Variants in ANKH observed in about 807,000 individuals in gnomAD.
ANKH encodes the protein ANKH inorganic pyrophosphate transport regulator.
ANKH carries 15 observed loss-of-function variants against 49.0 expected under a neutral mutation model. That is an observed-to-expected ratio of 0.31 (90% confidence interval 0.20 to 0.47). ANKH has a LOEUF of 0.47. ANKH is among the 20% of genes least tolerant of loss of function. ANKH has a pLI of 1.00. For synonymous variants in ANKH, 273 were observed against 260.0 expected, an observed-to-expected ratio of 1.05 and a Z score of -0.48; for missense variants, 429 against 652.0, an observed-to-expected ratio of 0.66 and a Z score of 3.72.
At position 14,725,658 on chromosome 5, in the gene ANKH, T is replaced by C. The variant is rs1380226073; in HGVS notation, c.1012-8823A>G. ...ACAAAACGCTAGCAGGGGAGTCCTC[T>C]GGAGGTGGTGAGATTAGGACTGATT... On this transcript the variant is annotated intron_variant, in intron 8 of 11. Coordinates refer to ENST00000284268, the MANE Select transcript of ANKH (RefSeq NM_054027.6). The surrounding 1 kb of genome is among the most constrained non-coding windows in gnomAD (Gnocchi z 4.0). Among the ~76,000 whole-genome samples, 1 of 152,254 alleles carries C rather than the reference T, an allele frequency of 6.6e-6. No homozygotes were observed. Among genetic ancestry groups the C allele is most frequent in the Non-Finnish European group, 1.5e-5 (1 of 68,044 alleles).
At chr5:14,869,795 A>G (rs1356268291) in intron 1 of ANKH, 2 of 152,230 alleles carry the variant, frequency 1.3e-5, no homozygotes, top group Non-Finnish European at 2.9e-5. Flanking sequence ...TTATCTCGAT[A>G]TGATTCTTAC....
intron 1 of ANKH, among the ~76,000 whole-genome samples, chr5:14,783,289 T>TACACAC (rs57904537): frequency 0.14 from 20,015 of 144,354 alleles, 1,590 homozygotes; most frequent in Non-Finnish European, 0.17. Context: ...GCCACCATTC[T>TACACAC]ACACACACAC....
chr5:14,871,243 T>C, intron 1 of ANKH, 109 bp downstream of exon 1: 1 of 960,674 alleles, frequency 1.0e-6, no homozygotes, highest in Non-Finnish European at 1.6e-6. Context: ...CGACCAAATG[T>C]TTCAGGATAA....
chr5:14,800,391 G>A (rs1740533106), intron 1 of ANKH, among the ~76,000 whole-genome samples: 1 of 152,250 alleles, frequency 6.6e-6, no homozygotes, highest in South Asian at 2.1e-4. Flanking sequence ...TCTACTGTGA[G>A]TAAAATGCTA....
At chr5:14,731,767 G>A (rs975326050) in intron 8 of ANKH, among the ~76,000 whole-genome samples, 1 of 152,198 alleles carries the variant, frequency 6.6e-6, no homozygotes, top group African/African-American at 2.4e-5. Context: ...AGTGCCAAGC[G>A]GCTAATTTAA....
intron 1 of ANKH, among the ~76,000 whole-genome samples, chr5:14,854,670 G>C (rs1330446975): frequency 1.3e-5 from 2 of 152,180 alleles, no homozygotes; most frequent in African/African-American, 4.8e-5. Flanking sequence ...GAGTGACACA[G>C]TAAGACCCTG....
intron 2 of ANKH, 170 bp downstream of exon 2, chr5:14,768,805 T>G (rs1411801569): frequency 1.4e-6 from 1 of 714,914 alleles, no homozygotes; most frequent in East Asian, 2.7e-5. Flanking sequence ...AAACACATTA[T>G]TGTCTTAAGC....
chr5:14,740,879 T>G (rs1738331373), intron 8 of ANKH, among the ~76,000 whole-genome samples: 1 of 152,220 alleles, frequency 6.6e-6, no homozygotes, highest in Non-Finnish European at 1.5e-5. Flanking sequence ...CAATGACAAC[T>G]GCACACATCT....
Position 14,710,253 on chromosome 5 carries a change from A to G in ANKH, c.*944T>C, listed in dbSNP as rs1737114592. On this transcript the variant is annotated 3_prime_UTR_variant, in exon 12 of 12. Coordinates refer to ENST00000284268, the MANE Select transcript of ANKH (RefSeq NM_054027.6). ...CAACCTGGCATTAGAATGCTGGATGAGACTTAAAGCTTCAGTTCACTGTAA... is the reference window on the plus strand; with the variant it reads ...CAACCTGGCATTAGAATGCTGGATGGGACTTAAAGCTTCAGTTCACTGTAA... 1 of 150,522 alleles carries G rather than the reference A, an allele frequency of 6.6e-6. No homozygotes were observed. Among genetic ancestry groups the G allele is most frequent in the South Asian group, 2.1e-4 (1 of 4,700 alleles). The allele number at this position is 150,522 out of a possible 1,614,324, so 9.3% of individuals were successfully genotyped here.
chr5:14,809,415 T>G (rs1304731034), intron 1 of ANKH, among the ~76,000 whole-genome samples: 1 of 149,624 alleles, frequency 6.7e-6, no homozygotes, highest in Non-Finnish European at 1.5e-5. Context: ...AAAAATTAGC[T>G]GGGTGTGCTC....
intron 2 of ANKH, among the ~76,000 whole-genome samples, chr5:14,765,078 G>A (rs2454873): frequency 0.28 from 43,162 of 152,166 alleles, 6,224 homozygotes; most frequent in Admixed American, 0.36. Context: ...ACAACCACTG[G>A]CCTAAATGAA....
intron 1 of ANKH, among the ~76,000 whole-genome samples, chr5:14,859,470 A>G (rs1408079472): frequency 6.6e-6 from 1 of 152,240 alleles, no homozygotes; most frequent in African/African-American, 2.4e-5. Flanking sequence ...AACAGTACAC[A>G]TAATTTAAGA....
chr5:14,729,834 G>A (rs1027879720), intron 8 of ANKH, among the ~76,000 whole-genome samples: 4 of 152,166 alleles, frequency 2.6e-5, no homozygotes, highest in African/African-American at 9.7e-5. Context: ...AGAAAGACCC[G>A]GACAGAGTGG....
chr5:14,783,064 T>C (rs1170776954), intron 1 of ANKH, among the ~76,000 whole-genome samples: 1 of 152,194 alleles, frequency 6.6e-6, no homozygotes, highest in African/African-American at 2.4e-5. Context: ...TTGGTATTTA[T>C]GTAACTGGCA....
chr5:14,792,180 G>A (rs1740190646), intron 1 of ANKH, among the ~76,000 whole-genome samples: 1 of 152,152 alleles, frequency 6.6e-6, no homozygotes, highest in East Asian at 1.9e-4. Context: ...TGCATGGAGT[G>A]GAGAGAAATT....
intron 1 of ANKH, among the ~76,000 whole-genome samples, chr5:14,866,770 CT>C (rs1735657486): frequency 1.3e-5 from 2 of 152,156 alleles, no homozygotes; most frequent in African/African-American, 4.8e-5. Flanking sequence ...ACAGTGTTGA[CT>C]TAATTATCTG....
intron 8 of ANKH, among the ~76,000 whole-genome samples, chr5:14,731,602 A>G (rs893264613): frequency 6.6e-6 from 1 of 152,196 alleles, no homozygotes; most frequent in African/African-American, 2.4e-5. Flanking sequence ...TTCTGTTGAT[A>G]ACCATAAAAC....
In ANKH at chr5:14,769,203, GA is replaced by G. The variant is rs765631807; in HGVS notation, c.97-13del. The stretch of plus-strand genomic sequence containing the variant: ...CCCCGGTTCAAGGCCTGGGAAGGGG[GA>G]AAAAAACCCACAAGCATTAGAAATG... On this transcript the variant is annotated splice_polypyrimidine_tract_variant and intron_variant, in intron 1 of 11. Coordinates refer to ENST00000284268, the MANE Select transcript of ANKH (RefSeq NM_054027.6). 79 of 1,604,984 alleles carry G rather than the reference GA, an allele frequency of 4.9e-5. No homozygotes were observed. In the South Asian group the frequency reaches 6.6e-4, roughly 13 times the overall value.
intron 8 of ANKH, among the ~76,000 whole-genome samples, chr5:14,718,884 C>G (rs1359583374): frequency 7.0e-6 from 1 of 143,414 alleles, no homozygotes; most frequent in African/African-American, 2.5e-5. Context: ...AAGGAAAATT[C>G]ACAAGTTAGC....
Sources: allele counts gnomAD v4.1 joint callset (sites outside exome capture counted in the v4.1 genomes callset), GRCh38; gene constraint gnomAD v4.1.1; non-coding constraint Gnocchi (gnomAD v3.1); transcripts MANE v1.5; gene names NCBI Gene and HGNC (gene_info 2026-07-23, HGNC 2026-07-21).